The following TWIST1 variants were observed in gnomAD, a reference collection of about 807,000 sequenced individuals.
TWIST1 encodes twist family bHLH transcription factor 1.
TWIST1 carries 8 observed loss-of-function variants against 12.9 expected under a neutral mutation model. That is an observed-to-expected ratio of 0.62 (90% CI 0.37 to 1.12). The LOEUF (loss-of-function observed/expected upper bound fraction) is 1.12, where lower values mean the gene tolerates loss of function less well. TWIST1 is among the 50% of genes most tolerant of loss of function. The probability of loss-of-function intolerance (pLI) is 0.02; values close to 1 mark genes in which losing one functional copy is unlikely to be tolerated. For missense variants in TWIST1, 268 were observed against 299.7 expected, an observed-to-expected ratio of 0.89 and a Z score of 0.78; for synonymous variants, 169 against 138.7, an observed-to-expected ratio of 1.22 and a Z score of -1.54.
chr7:19,117,124 C>A lies in TWIST1; in HGVS notation c.198G>T (p.Pro66=), dbSNP rs1331224480. The A allele has an allele frequency of 1.8e-6, 2 of 1,142,744 alleles. No individual in the cohort carries two copies. Among genetic ancestry groups the A allele is most frequent in the Non-Finnish European group, 2.1e-6 (2 of 932,162 alleles). 70.8% of individuals were successfully genotyped at this position (1,142,744 alleles called of 1,614,324 possible). ...CGCGCTTGCCCTGGGCCGGGCTGCCCGGCTCGTCGCCGCCTCCGACGCCCC... is the reference window on the plus strand; with the variant it reads ...CGCGCTTGCCCTGGGCCGGGCTGCCAGGCTCGTCGCCGCCTCCGACGCCCC... ...AGGGVGGGDE[P]GSPAQGKRGK... is the part of the protein sequence containing the mutation. The change falls in exon 1 of 2, where the codon CCG becomes CCT. Residue 66 remains proline (P), a synonymous_variant. Transcript: ENST00000242261.
Position 19,117,619 on chromosome 7 carries a change from G to A in TWIST1, c.-298C>T. The A allele has an allele frequency of 9.4e-7, 1 of 1,065,782 alleles. No homozygotes were observed. The highest frequency in any genetic ancestry group is 1.1e-6 in the Non-Finnish European group (1 of 872,686). The allele number at this position is 1,065,782 out of a possible 1,614,324, so 66.0% of individuals were successfully genotyped here. A position where few individuals can be genotyped will look rare whatever the true frequency, so the allele number is the denominator to read the frequency against. On this transcript the variant is annotated 5_prime_UTR_variant, in exon 1 of 2. Transcript: ENST00000242261. ...AAACGGTGCCGGTGCTGCAGAGCCC[G>A]CGAGGTGTCTGGGAGTTGGGCGAGA... is the stretch of plus-strand genomic sequence containing the variant.
At position 19,115,775 on chromosome 7, in the gene TWIST1, G is replaced by A. The variant is rs1788551267; in HGVS notation, c.*399C>T. Reference sequence around the variant, plus strand: ...CATTTTAAAATAGAGAAAGTCCATAGTGATGCCTTTCCTTTCAGTGGCTGA... The same window carrying A: ...CATTTTAAAATAGAGAAAGTCCATAATGATGCCTTTCCTTTCAGTGGCTGA... On this transcript the variant is annotated 3_prime_UTR_variant, in exon 2 of 2. Transcript: ENST00000242261. 6.7e-6 allele frequency: 1 copy of A among 150,144 alleles called. No individual in the cohort carries two copies. Among genetic ancestry groups the A allele is most frequent in the African/African-American group, 2.5e-5 (1 of 40,612 alleles). 9.3% of individuals were successfully genotyped at this position (150,144 alleles called of 1,614,324 possible).
rs1315930064 is a variant in TWIST1 at position 19,117,275 on chromosome 7, C to A, written c.47G>T (p.Ser16Ile). 2.0e-6 allele frequency: 3 copies of A among 1,475,418 alleles called. No individual in the cohort carries two copies. In the Admixed American group the frequency reaches 6.7e-5, roughly 33 times the overall value. The allele number at this position is 1,475,418 out of a possible 1,614,324, so 91.4% of individuals were successfully genotyped here. The change falls in exon 1 of 2, where the codon AGC becomes ATC. Residue 16 changes from serine (S) to isoleucine (I), a missense_variant. Ser to Ile is a moderately radical substitution (Grantham distance 142). This residue lies in a region of TWIST1 where 189 missense variants were observed against 172.1 expected (regional missense o/e 1.10). Coordinates refer to ENST00000242261, the MANE Select transcript of TWIST1 (RefSeq NM_000474.4). ...TGGCTCTTCCTCGCTGTTGCTCAGG[C>A]TGTCGTCGGCCGGCGAGACTGGCGA... ...SSSPVSPADD[S>I]LSNSEEEPDR...
At chr7:19,115,391 T>C (rs1788543617), downstream of TWIST1, 1 of 152,616 alleles carries the variant, frequency 6.6e-6, no homozygotes, top group African/African-American at 2.4e-5. Flanking sequence ...CCCTCCTGGG[T>C]GCCTCTAGAA....
Position 19,116,792 on chromosome 7 carries a change from T to G in TWIST1, c.530A>C (p.Tyr177Ser), listed in dbSNP as rs1310135591. The part of the protein sequence containing the change: ...ELDSKMASCS[Y>S]VAHERLSYAF... ...GTAGCTGAGCCGCTCGTGAGCCACATAGCTGCAGCTTGCCATCTTGGAGTC... is the reference window on the plus strand; with the variant it reads ...GTAGCTGAGCCGCTCGTGAGCCACAGAGCTGCAGCTTGCCATCTTGGAGTC... The change falls in exon 1 of 2, where the codon TAT (tyrosine) becomes TCT (serine). Residue 177 changes from tyrosine to serine, a missense_variant. Tyr to Ser is a moderately radical substitution (Grantham distance 144). Around this residue, in one of 2 missense-constraint regions of TWIST1, gnomAD observed 79 missense variants for 127.6 expected, o/e 0.62. Transcript: ENST00000242261. 1 of 1,614,048 alleles carries G rather than the reference T, an allele frequency of 6.2e-7. No individual in the cohort carries two copies. Among genetic ancestry groups the G allele is most frequent in the Non-Finnish European group, 8.5e-7 (1 of 1,179,968 alleles).
intron 1 of TWIST1, among the ~76,000 whole-genome samples, chr7:19,116,338 AGAACAAAAATTGAAAGCC>A (rs1271251860): frequency 6.6e-6 from 1 of 152,196 alleles, no homozygotes; most frequent in Non-Finnish European, 1.5e-5. Context: ...TGTTTTAAGG[AGAACAAAAATTGAAAGCC>A]GAAAGAAAGG....
At chr7:19,115,054 C>T (rs1264470103), downstream of TWIST1, among the ~76,000 whole-genome samples, 1 of 152,084 alleles carries the variant, frequency 6.6e-6, no homozygotes, top group Non-Finnish European at 1.5e-5. Flanking sequence ...TATATGTTTT[C>T]ACTGAAAAGA....
chr7:19,115,422 C>T (rs1160997692), downstream of TWIST1: 1 of 152,548 alleles, frequency 6.6e-6, no homozygotes, highest in African/African-American at 2.4e-5. Flanking sequence ...AGGTATTTAC[C>T]ACCAACTTAA....
chr7:19,116,421 C>G (rs565381752), intron 1 of TWIST1, among the ~76,000 whole-genome samples: 3 of 152,340 alleles, frequency 2.0e-5, no homozygotes, highest in Non-Finnish European at 4.4e-5. Flanking sequence ...TGTCTCCCCT[C>G]CTGTCACGCA....
chr7:19,115,233 A>G (rs1788541328), downstream of TWIST1, among the ~76,000 whole-genome samples: 1 of 152,216 alleles, frequency 6.6e-6, no homozygotes, highest in African/African-American at 2.4e-5. Context: ...TGCTGTTTGG[A>G]GACAGTAAGA....
downstream of TWIST1, chr7:19,113,837 C>G (rs1303072444): frequency 6.6e-6 from 1 of 152,162 alleles, no homozygotes; most frequent in East Asian, 1.9e-4. Flanking sequence ...CTTTCTTTGA[C>G]ACATCTAGTT....
chr7:19,113,235 A>G (rs1788505445), downstream of TWIST1: 1 of 152,216 alleles, frequency 6.6e-6, no homozygotes, highest in Non-Finnish European at 1.5e-5. Context: ...AAATAAAAGT[A>G]ATCAATAGCA....
At chr7:19,116,571 TG>T in intron 1 of TWIST1, 99 bp downstream of exon 1, 1 of 951,902 alleles carries the variant, frequency 1.1e-6, no homozygotes, top group Non-Finnish European at 1.6e-6. Flanking sequence ...GAGCGGAGAG[TG>T]GGAGAGGGGA....
chr7:19,113,088 T>G (rs930955571), downstream of TWIST1: 3 of 152,192 alleles, frequency 2.0e-5, no homozygotes, highest in Non-Finnish European at 4.4e-5. Context: ...TACGTTCCAC[T>G]TTGGGGAGGG....
In TWIST1 at chr7:19,117,481, C is replaced by T. The variant is rs951466455; in HGVS notation, c.-160G>A. 271 of 1,170,290 alleles carry T rather than the reference C, an allele frequency of 2.3e-4. 1 individual carries two copies. The highest frequency in any genetic ancestry group is 7.1e-4 in the Middle Eastern group (2 of 2,806). 72.5% of individuals were successfully genotyped at this position (1,170,290 alleles called of 1,614,324 possible). ...ACGGGAGGGACCTCCGCGGGGAGGG[C>T]GCGCGGGGGAGGCGGGGAGGGAGGC... is the stretch of plus-strand genomic sequence containing the variant. On this transcript the variant is annotated 5_prime_UTR_variant, in exon 1 of 2. Coordinates refer to ENST00000242261, the MANE Select transcript of TWIST1 (RefSeq NM_000474.4).
intron 1 of TWIST1, among the ~76,000 whole-genome samples, chr7:19,116,461 G>T (rs1788566881): frequency 6.6e-6 from 1 of 152,160 alleles, no homozygotes; most frequent in South Asian, 2.1e-4. Context: ...CCCTCACCAG[G>T]GCGCATCCCC....
rs1788559891 is a variant in TWIST1, at chr7:19,116,143, CA to C, written c.*43-13del. On this transcript the variant is annotated splice_polypyrimidine_tract_variant and intron_variant, in intron 1 of 1. Coordinates refer to ENST00000242261, the MANE Select transcript of TWIST1 (RefSeq NM_000474.4). ...GGAAACAATGACATCTGCAAAAACC[CA>C]GAGGGGGGGGGGGGAGTCGGTTATT... 1 of 30,034 alleles carries C rather than the reference CA, an allele frequency of 3.3e-5. No individual in the cohort carries two copies. Among genetic ancestry groups the C allele is most frequent in the Admixed American group, 2.1e-4 (1 of 4,718 alleles). The allele number at this position is 30,034 out of a possible 1,614,324, so 1.9% of individuals were successfully genotyped here. A position where few individuals can be genotyped will look rare whatever the true frequency, so the allele number is the denominator to read the frequency against.
chr7:19,115,066 C>T (rs555707365), downstream of TWIST1, among the ~76,000 whole-genome samples: 1 of 152,016 alleles, frequency 6.6e-6, no homozygotes, highest in African/African-American at 2.4e-5. Flanking sequence ...CTGAAAAGAA[C>T]CTGTTATTTA....
chr7:19,113,343 T>A (rs925870746), downstream of TWIST1: 50 of 152,338 alleles, frequency 3.3e-4, no homozygotes, highest in African/African-American at 1.2e-3. Flanking sequence ...AGATCCCAAG[T>A]GAACCAACAC....
Sources: allele counts gnomAD v4.1 joint callset (sites outside exome capture counted in the v4.1 genomes callset), GRCh38; gene constraint gnomAD v4.1.1; regional missense constraint gnomAD v4.1.1; transcripts MANE v1.5; gene names NCBI Gene and HGNC (gene_info 2026-07-23, HGNC 2026-07-21).